LRRC56: variants seen among roughly 807,000 people sequenced by gnomAD.
LRRC56 encodes leucine-rich repeat-containing protein 56.
A neutral mutation model predicts 47.8 loss-of-function variants in LRRC56; 41 were observed. The observed-to-expected ratio is 0.86, with a 90% CI of 0.67 to 1.11. The LOEUF (loss-of-function observed/expected upper bound fraction) is 1.11. Ranked by LOEUF, LRRC56 falls within the 50% of genes most tolerant of loss-of-function variation. The pLI is 0.00. For synonymous variants in LRRC56, 387 were observed against 311.2 expected (o/e 1.24, Z -2.56); for missense variants, 759 against 704.2 (o/e 1.08, Z -0.88).
Position 541,747 on chromosome 11 carries a change from AG to A in LRRC56, c.265+126del. ...TCTCGGGCCGCGTATCGGCTTCCTT[AG>A]GGTTGGCCTCTGACCTGAGGTCTGT... is the stretch of plus-strand genomic sequence containing the variant. On this transcript the variant is annotated intron_variant, in intron 5 of 13. Transcript: ENST00000270115. The surrounding 1 kb of genome is among the most constrained non-coding windows in gnomAD (Gnocchi z 4.1). The A allele has an allele frequency of 1.6e-6, 1 of 614,016 alleles. No homozygotes were observed. Among genetic ancestry groups the A allele is most frequent in the Non-Finnish European group, 2.7e-6 (1 of 367,452 alleles). The allele number at this position is 614,016 out of a possible 1,614,324, so 38.0% of individuals were successfully genotyped here.
the LRRC56 span, among the ~76,000 whole-genome samples, chr11:526,174 T>C: frequency 1.3e-5 from 2 of 152,244 alleles, no homozygotes; most frequent in Admixed American, 6.5e-5. Flanking sequence ...ACCACTGCAC[T>C]CCAGCCTGGG....
At chr11:532,237 C>T in the LRRC56 span, 1 of 384,386 alleles carries the variant, frequency 2.6e-6, no homozygotes. Flanking sequence ...AGCCGAAAAC[C>T]AAGATCAAGA....
the LRRC56 span, among the ~76,000 whole-genome samples, chr11:530,445 GC>G: frequency 1.0e-4 from 15 of 150,184 alleles, no homozygotes; most frequent in African/African-American, 2.9e-4. Flanking sequence ...GGACAGAAGG[GC>G]AAGTGTGGCG....
chr11:541,690 T>C lies in LRRC56; in HGVS notation c.265+66T>C, dbSNP rs1023310615. 2.0e-6 allele frequency: 2 copies of C among 1,024,168 alleles called. No homozygotes were observed. The highest frequency in any genetic ancestry group is 1.6e-5 in the African/African-American group (1 of 60,830). The allele number at this position is 1,024,168 out of a possible 1,614,324, so 63.4% of individuals were successfully genotyped here. On this transcript the variant is annotated intron_variant, in intron 5 of 13. Transcript: ENST00000270115. This position sits in a 1 kb window ranked among gnomAD's most constrained non-coding sequence, Gnocchi z 4.1. ...ACGCCTCCCTGTAAACAACACACGT[T>C]TCCTGGTTATGACGACAAAGCTGTC...
rs1253096481 is a variant in LRRC56, at chr11:554,293, A to T, written c.*17A>T. 6.8e-7 allele frequency: 1 copy of T among 1,475,484 alleles called. No homozygotes were observed. The highest frequency in any genetic ancestry group is 2.4e-5 in the Admixed American group (1 of 42,440). The allele number at this position is 1,475,484 out of a possible 1,614,324, so 91.4% of individuals were successfully genotyped here. The stretch of plus-strand genomic sequence containing the variant: ...CCCACTTAATATAGCCCCCACTGCC[A>T]GGCTTCCCTGTGCTGGGGCCACGAC... On this transcript the variant is annotated 3_prime_UTR_variant, in exon 14 of 14. Transcript: ENST00000270115.
intron 12 of LRRC56, 151 bp downstream of exon 12, chr11:552,383 C>A: frequency 1.6e-6 from 2 of 1,247,766 alleles, no homozygotes; most frequent in Non-Finnish European, 2.2e-6. Context: ...CTGGGGCTAC[C>A]TTGGCTGAGT....
chr11:542,580 C>CAAAAAAAA (rs71022928), intron 5 of LRRC56, among the ~76,000 whole-genome samples: 3 of 26,000 alleles, frequency 1.2e-4, no homozygotes, highest in Admixed American at 4.6e-4. Flanking sequence ...AACCCTGTCG[C>CAAAAAAAA]AAAAAAAAAA....
the LRRC56 span, among the ~76,000 whole-genome samples, chr11:525,400 G>A: frequency 3.3e-4 from 50 of 152,100 alleles, no homozygotes; most frequent in Admixed American, 1.7e-3. Flanking sequence ...TTAGCCGGCC[G>A]TGGTGGCGGC....
chr11:521,338 C>T, the LRRC56 span, among the ~76,000 whole-genome samples: 3 of 152,120 alleles, frequency 2.0e-5, no homozygotes, highest in African/African-American at 7.2e-5. Flanking sequence ...TTGCTTTGTG[C>T]GTTTTGAGAC....
At chr11:548,447 CAA>C (rs1252450813) in intron 6 of LRRC56, among the ~76,000 whole-genome samples, 2 of 123,882 alleles carry the variant, frequency 1.6e-5, no homozygotes, top group Non-Finnish European at 3.5e-5. Context: ...TGCTCAGCCT[CAA>C]GTTTTGTTTG....
the LRRC56 span, among the ~76,000 whole-genome samples, chr11:511,472 A>G: frequency 6.6e-6 from 1 of 152,218 alleles, no homozygotes; most frequent in African/African-American, 2.4e-5. Flanking sequence ...TTTTGGTGAC[A>G]GGACTGCTCC....
At position 540,801 on chromosome 11, in the gene LRRC56, C is replaced by A. The variant is rs111300452; in HGVS notation, c.117C>A (p.Gly39=). The change falls in exon 4 of 14, where the codon GGC becomes GGA. Residue 39 remains glycine, a synonymous_variant. Coordinates refer to ENST00000270115, the MANE Select transcript of LRRC56 (RefSeq NM_198075.4). ...CCTGCCCACAGAGCAAGGGCCCTGGCAGTCAGAGGGACAGACTTGGAGAGC... is the reference window on the plus strand; with the variant it reads ...CCTGCCCACAGAGCAAGGGCCCTGGAAGTCAGAGGGACAGACTTGGAGAGC... ...HNPCPQSKGP[G]SQRDRLGEQL... 3.7e-6 allele frequency: 6 copies of A among 1,603,504 alleles called. No homozygotes were observed. The highest frequency in any genetic ancestry group is 1.7e-5 in the Admixed American group (1 of 58,278).
the LRRC56 span, among the ~76,000 whole-genome samples, chr11:518,966 GGCCCCAAGACGCGGCGC>G: frequency 6.6e-6 from 1 of 151,870 alleles, no homozygotes; most frequent in Middle Eastern, 3.2e-3. Flanking sequence ...GGGAACTTGC[GGCCCCAAGACGCGGCGC>G]GCTTACGAGG....
At chr11:512,128 G>A in the LRRC56 span, among the ~76,000 whole-genome samples, 1 of 152,056 alleles carries the variant, frequency 6.6e-6, no homozygotes. Flanking sequence ...ATTTTTGGTA[G>A]AGACAGTGTT....
At chr11:526,035 GTC>G in the LRRC56 span, among the ~76,000 whole-genome samples, 1 of 151,598 alleles carries the variant, frequency 6.6e-6, no homozygotes. Context: ...GTGAAACCGT[GTC>G]TCTACTAAAA....
chr11:535,304 G>A (rs1268955882), upstream of LRRC56: 1 of 139,910 alleles, frequency 7.1e-6, no homozygotes, highest in Non-Finnish European at 1.6e-5. Flanking sequence ...CGCCGCCGCC[G>A]CCGCCGCCGC....
At chr11:510,013 G>T in the LRRC56 span, among the ~76,000 whole-genome samples, 1 of 151,846 alleles carries the variant, frequency 6.6e-6, no homozygotes, top group Admixed American at 6.6e-5. Flanking sequence ...TGGCCGACTC[G>T]AGTGTGCCTT....
the LRRC56 span, among the ~76,000 whole-genome samples, chr11:507,844 A>T: frequency 6.6e-6 from 1 of 151,968 alleles, no homozygotes; most frequent in African/African-American, 2.4e-5. Flanking sequence ...GTTTCGTGGG[A>T]CCCCAGCCCG....
At chr11:532,322 T>C in the LRRC56 span, 2 of 510,538 alleles carry the variant, frequency 3.9e-6, no homozygotes, top group East Asian at 6.7e-5. Context: ...AGCTAAGGGC[T>C]GGGGTTCCGG....
Sources: gnomAD v4.1 joint callset for allele counts (sites outside exome capture counted in the v4.1 genomes callset) on GRCh38, gnomAD v4.1.1 for gene constraint, Gnocchi (gnomAD v3.1) non-coding constraint, MANE v1.5 for transcripts, NCBI Gene and HGNC (gene_info 2026-07-23, HGNC 2026-07-21) for gene names.